EXOC4: variants seen among roughly 807,000 people sequenced by gnomAD.
EXOC4 encodes SEC8-like 1.
A neutral mutation model predicts 107.2 loss-of-function variants in EXOC4; 71 were observed. The ratio of observed to expected loss-of-function variants is 0.66; its 90% confidence interval spans 0.55 to 0.81. The LOEUF is 0.81. Ranked by LOEUF, EXOC4 falls within the 30% of genes least tolerant of loss-of-function variation. The pLI is 0.00. For missense variants in EXOC4, 1,108 were observed against 1,189.6 expected, an observed-to-expected ratio of 0.93 and a Z score of 1.01; for synonymous variants, 456 against 441.2, an observed-to-expected ratio of 1.03 and a Z score of -0.42.
At chr7:133,881,887 G>C (rs1042093143) in intron 11 of EXOC4, among the ~76,000 whole-genome samples, 3 of 152,080 alleles carry the variant, frequency 2.0e-5, no homozygotes, top group Non-Finnish European at 2.9e-5. Context: ...TATTCTTAAA[G>C]GTTTTCAAAG....
chr7:133,933,301 C>T (rs1428677400), intron 13 of EXOC4, among the ~76,000 whole-genome samples: 1 of 152,140 alleles, frequency 6.6e-6, no homozygotes, highest in Admixed American at 6.5e-5. Context: ...AAAAATTAGG[C>T]TTAACAGGTT....
intron 10 of EXOC4, among the ~76,000 whole-genome samples, chr7:133,772,488 CCTG>C (rs1299812108): frequency 6.6e-6 from 1 of 151,436 alleles, no homozygotes; most frequent in African/African-American, 2.4e-5. Context: ...ATGTAACTAA[CCTG>C]CACAATGTGC....
intron 7 of EXOC4, among the ~76,000 whole-genome samples, chr7:133,375,697 A>G (rs1796474609): frequency 6.6e-6 from 1 of 152,178 alleles, no homozygotes; most frequent in South Asian, 2.1e-4. Context: ...CAACTTTTGC[A>G]TATATTGGGT....
At chr7:133,881,130 T>C (rs921084505) in intron 11 of EXOC4, among the ~76,000 whole-genome samples, 9 of 152,198 alleles carry the variant, frequency 5.9e-5, no homozygotes, top group Non-Finnish European at 1.0e-4. Context: ...TATTTATATT[T>C]TCTTGCTGGA....
At chr7:134,027,657 A>AG (rs1291288050) in intron 17 of EXOC4, among the ~76,000 whole-genome samples, 1 of 496 alleles carries the variant, frequency 2.0e-3, no homozygotes, top group South Asian at 0.25. Context: ...ACTCCATCTC[A>AG]AAAAAAAAAA....
chr7:133,359,603 G>A (rs1796095692), intron 6 of EXOC4, among the ~76,000 whole-genome samples: 1 of 152,020 alleles, frequency 6.6e-6, no homozygotes, highest in Admixed American at 6.6e-5. Flanking sequence ...CAAAACATTA[G>A]TTATTCTGAG....
chr7:133,444,938 A>G (rs1450219049), intron 7 of EXOC4, among the ~76,000 whole-genome samples: 1 of 152,142 alleles, frequency 6.6e-6, no homozygotes, highest in African/African-American at 2.4e-5. Flanking sequence ...CTTTTTAATC[A>G]TGTATATTTG....
intron 10 of EXOC4, among the ~76,000 whole-genome samples, chr7:133,782,858 C>A (rs1796496512): frequency 6.6e-6 from 1 of 152,184 alleles, no homozygotes; most frequent in South Asian, 2.1e-4. Flanking sequence ...CATAGACCTT[C>A]CCTCTGGCTT....
At chr7:133,289,218 G>A (rs1794350369) in intron 3 of EXOC4, 102 bp downstream of exon 3, 2 of 972,316 alleles carry the variant, frequency 2.1e-6, no homozygotes, top group African/African-American at 3.3e-5. Context: ...ATTACAAACT[G>A]CCCTCTTGGG....
intron 10 of EXOC4, among the ~76,000 whole-genome samples, chr7:133,757,859 T>G (rs1009437653): frequency 6.6e-6 from 1 of 152,200 alleles, no homozygotes; most frequent in African/African-American, 2.4e-5. Flanking sequence ...TTTAAACAGA[T>G]AAGGAGACTA....
chr7:133,558,265 G>A (rs1331020150), intron 9 of EXOC4, among the ~76,000 whole-genome samples: 1 of 64,094 alleles, frequency 1.6e-5, no homozygotes, highest in East Asian at 3.0e-4. Flanking sequence ...TCAAATAAAA[G>A]CACTTTTTGC....
rs1191710972 is a variant in EXOC4, at chr7:133,707,614, T to C, written c.1514+77473T>C. 4.6e-5 allele frequency among the ~76,000 whole-genome samples: 7 copies of C among 152,128 alleles called. No homozygotes were observed. In the East Asian group the frequency reaches 1.4e-3, roughly 29 times the overall value. ...AACAATATTTGCCCTTTATTTTTTA[T>C]TTATTTATTTATTTTTTTTGAGATG... On this transcript the variant is annotated intron_variant, in intron 10 of 17. Coordinates refer to ENST00000253861, the MANE Select transcript of EXOC4 (RefSeq NM_021807.4).
intron 10 of EXOC4, among the ~76,000 whole-genome samples, chr7:133,701,466 G>A (rs1463420335): frequency 6.6e-6 from 1 of 152,130 alleles, no homozygotes; most frequent in East Asian, 1.9e-4. Flanking sequence ...TTGTTGGTTA[G>A]AGTGATTCCC....
chr7:133,912,999 CA>C (rs1239630823), intron 12 of EXOC4, among the ~76,000 whole-genome samples: 2 of 151,582 alleles, frequency 1.3e-5, no homozygotes, highest in East Asian at 3.9e-4. Flanking sequence ...TGATGAGGCA[CA>C]AAAAAAGAGG....
chr7:133,772,168 C>T (rs1426074864), intron 10 of EXOC4, among the ~76,000 whole-genome samples: 1 of 151,906 alleles, frequency 6.6e-6, no homozygotes, highest in African/African-American at 2.4e-5. Context: ...ATTATACAGC[C>T]GTTCTGCACA....
intron 15 of EXOC4, among the ~76,000 whole-genome samples, chr7:134,002,663 G>A (rs1268881487): frequency 2.0e-5 from 3 of 152,064 alleles, no homozygotes; most frequent in Non-Finnish European, 4.4e-5. Context: ...CAAATGATTT[G>A]AACAGATATT....
Position 133,992,189 on chromosome 7 carries a change from G to A in EXOC4, c.2207-5303G>A, listed in dbSNP as rs374250394. ...TCTTTTACTTTGATTAAATTTATTC[G>A]TAGGTTTTTCTTATTGTAAATTGGA... On this transcript the variant is annotated intron_variant, in intron 14 of 17. Coordinates refer to ENST00000253861, the MANE Select transcript of EXOC4 (RefSeq NM_021807.4). Among the ~76,000 whole-genome samples the A allele has an allele frequency of 4.6e-5, 7 of 152,004 alleles. No homozygotes were observed. The East Asian group carries it at 7.7e-4, about 17-fold the overall frequency.
chr7:134,067,630 T>C (rs113800545), downstream of EXOC4, among the ~76,000 whole-genome samples: 67 of 20,270 alleles, frequency 3.3e-3, no homozygotes, highest in Middle Eastern at 0.022. Context: ...AACTCTTATA[T>C]ATATATATAC....
the EXOC4 span, among the ~76,000 whole-genome samples, chr7:134,079,001 A>ACC: frequency 6.6e-6 from 1 of 152,006 alleles, no homozygotes; most frequent in African/African-American, 2.4e-5. Flanking sequence ...CCCACATCCC[A>ACC]CCCTCCATCG....
Sources: gnomAD v4.1 joint callset for allele counts (sites outside exome capture counted in the v4.1 genomes callset) on GRCh38, gnomAD v4.1.1 for gene constraint, MANE v1.5 for transcripts, NCBI Gene and HGNC (gene_info 2026-07-23, HGNC 2026-07-21) for gene names.